Variants in SORCS3 observed in about 807,000 individuals in gnomAD.
SORCS3 encodes the protein VPS10 domain-containing receptor SorCS3.
SORCS3 carries 57 observed loss-of-function variants against 146.3 expected under a neutral mutation model. That is an observed-to-expected ratio of 0.39 (90% CI 0.31 to 0.49). The LOEUF is 0.49. Among genes scored for constraint, SORCS3 ranks in the 20% least tolerant of loss-of-function variants. The probability of loss-of-function intolerance (pLI) is 0.92; values close to 1 mark genes in which losing one functional copy is unlikely to be tolerated. For missense variants in SORCS3, 1,341 were observed against 1,575.5 expected (o/e 0.85, Z 2.52); for synonymous variants, 653 against 618.5 (o/e 1.06, Z -0.83).
intron 2 of SORCS3, among the ~76,000 whole-genome samples, chr10:104,864,717 A>G (rs776840332): frequency 3.3e-5 from 5 of 152,180 alleles, no homozygotes; most frequent in Non-Finnish European, 5.9e-5. Flanking sequence ...TACCAAGTTT[A>G]TATAGAGAGC....
rs760646492 is a variant in SORCS3, at chr10:105,247,289, G to A, written c.3063G>A (p.Trp1021Ter). ...ACCACAATCCTGACATTCCTGAGTG[G>A]AGAAAAGATATTGGCAATGTCATCA... ...LDYHNPDIPE[W>*]RKDIGNVIKR... Residue 1021 changes from tryptophan (W) to a stop codon, truncating the protein, a stop_gained, in exon 22 of 27, where the codon TGG (tryptophan) becomes TGA (stop). Transcript: ENST00000369701. LOFTEE classifies it high-confidence loss of function. 1 of 1,612,758 alleles carries A rather than the reference G, an allele frequency of 6.2e-7. No individual in the cohort carries two copies. The highest frequency in any genetic ancestry group is 1.7e-5 in the Admixed American group (1 of 59,978).
chr10:104,960,784 C>T (rs2054791280), intron 3 of SORCS3, among the ~76,000 whole-genome samples: 1 of 152,124 alleles, frequency 6.6e-6, no homozygotes, highest in Non-Finnish European at 1.5e-5. Context: ...AAGTTTGAGG[C>T]TTCCTATAGG....
At chr10:105,145,557 CA>C (rs2056124946) in intron 8 of SORCS3, among the ~76,000 whole-genome samples, 1 of 152,028 alleles carries the variant, frequency 6.6e-6, no homozygotes, top group South Asian at 2.1e-4. Context: ...TGGGAAAAAC[CA>C]GGCATTTCTG....
At chr10:105,222,480 T>C (rs2056709851) in intron 19 of SORCS3, among the ~76,000 whole-genome samples, 1 of 152,224 alleles carries the variant, frequency 6.6e-6, no homozygotes, top group African/African-American at 2.4e-5. Context: ...AATATCATGC[T>C]GCTTATATCA....
intron 1 of SORCS3, among the ~76,000 whole-genome samples, chr10:104,740,192 T>G (rs543900677): frequency 1.3e-5 from 2 of 152,364 alleles, no homozygotes; most frequent in South Asian, 4.1e-4. Context: ...TCAAAATTAA[T>G]TATTTATGAC....
At chr10:104,723,399 C>T (rs1431427300) in intron 1 of SORCS3, among the ~76,000 whole-genome samples, 2 of 152,124 alleles carry the variant, frequency 1.3e-5, no homozygotes, top group Non-Finnish European at 2.9e-5. Context: ...TTACTTCCCA[C>T]TATGTGGTCA....
At chr10:104,844,013 C>G (rs572592165) in intron 2 of SORCS3, among the ~76,000 whole-genome samples, 1 of 152,242 alleles carries the variant, frequency 6.6e-6, no homozygotes, top group East Asian at 1.9e-4. Context: ...TTCATCTGAC[C>G]TGTTTGTTTG....
In SORCS3 at chr10:105,032,149, G is replaced by A. The variant is rs182381279; in HGVS notation, c.955-10906G>A. On this transcript the variant is annotated intron_variant, in intron 4 of 26. Coordinates refer to ENST00000369701, the MANE Select transcript of SORCS3 (RefSeq NM_014978.3). Reference sequence around the variant, plus strand: ...AGAGGTTGCAGTGAGCCACGATTGCGCCACTGCACTCCAGCCTGGGCAACA... The same window carrying A: ...AGAGGTTGCAGTGAGCCACGATTGCACCACTGCACTCCAGCCTGGGCAACA... 3.1e-4 allele frequency among the ~76,000 whole-genome samples: 47 copies of A among 152,204 alleles called. No individual in the cohort carries two copies. The East Asian group carries it at 8.1e-3, about 26-fold the overall frequency.
intron 20 of SORCS3, among the ~76,000 whole-genome samples, chr10:105,236,203 A>C (rs1209421165): frequency 6.6e-6 from 1 of 152,096 alleles, no homozygotes; most frequent in Non-Finnish European, 1.5e-5. Context: ...TGAGAAGTTA[A>C]GCTCCCTGTC....
rs1049219004 is a variant in SORCS3, at chr10:105,214,552, C to A, written c.2486C>A (p.Thr829Asn). The A allele has an allele frequency of 1.9e-6, 3 of 1,611,330 alleles. No homozygotes were observed. The highest frequency in any genetic ancestry group is 8.5e-7 in the Non-Finnish European group (1 of 1,178,936). ...KAPRGLHVVT[T>N]DGRLVAEQGH... ...CCTCGGGGCCTCCATGTGGTGACGACCGATGGGCGGCTGGTGGCAGAGCAG... is the reference window on the plus strand; with the variant it reads ...CCTCGGGGCCTCCATGTGGTGACGAACGATGGGCGGCTGGTGGCAGAGCAG... The change falls in exon 18 of 27, where the codon ACC becomes AAC. Residue 829 changes from threonine to asparagine, a missense_variant. Thr to Asn is a moderately conservative substitution (Grantham distance 65). Transcript: ENST00000369701.
At chr10:105,066,897 C>T (rs2055526526) in intron 5 of SORCS3, among the ~76,000 whole-genome samples, 1 of 152,108 alleles carries the variant, frequency 6.6e-6, no homozygotes, top group African/African-American at 2.4e-5. Flanking sequence ...CGTAAATGTA[C>T]CAGCTTTCCT....
At chr10:105,087,487 G>GAAA (rs59554883) in intron 5 of SORCS3, among the ~76,000 whole-genome samples, 36,386 of 141,894 alleles carry the variant, frequency 0.26, 4,713 homozygotes, top group Admixed American at 0.35. Flanking sequence ...TCTCTTCTGG[G>GAAA]AAAAAAAAAA....
At chr10:104,761,182 T>C (rs4918125) in intron 1 of SORCS3, among the ~76,000 whole-genome samples, 43,574 of 152,058 alleles carry the variant, frequency 0.29, 6,530 homozygotes, top group East Asian at 0.6. Context: ...CAAGGAATTA[T>C]TATTTCTGTT....
intron 3 of SORCS3, among the ~76,000 whole-genome samples, chr10:104,973,951 G>A (rs1426961293): frequency 3.3e-5 from 5 of 152,008 alleles, no homozygotes; most frequent in South Asian, 2.1e-4. Flanking sequence ...ATTTCATTAC[G>A]TACCCAGTAG....
intron 6 of SORCS3, 112 bp from the exon 7 acceptor site, chr10:105,105,285 T>C (rs568624365): frequency 3.2e-5 from 20 of 631,168 alleles, no homozygotes; most frequent in Non-Finnish European, 1.7e-5. Context: ...AATCTCACTG[T>C]TATTTTAAAT....
chr10:104,999,869 C>T (rs1315569650), intron 4 of SORCS3, among the ~76,000 whole-genome samples: 1 of 152,140 alleles, frequency 6.6e-6, no homozygotes, highest in Non-Finnish European at 1.5e-5. Context: ...ATTATTTTAT[C>T]CCAGGGGTTT....
chr10:105,124,372 A>T (rs2055957574), intron 7 of SORCS3, among the ~76,000 whole-genome samples: 1 of 152,218 alleles, frequency 6.6e-6, no homozygotes, highest in Non-Finnish European at 1.5e-5. Context: ...AGAACCTAGA[A>T]CTGTCAGGAA....
At chr10:105,221,442 A>G (rs1233104931) in intron 19 of SORCS3, among the ~76,000 whole-genome samples, 2 of 152,220 alleles carry the variant, frequency 1.3e-5, no homozygotes. Flanking sequence ...CATTAATTGT[A>G]TGGTACTTTA....
At chr10:105,182,230 C>CTTTTTTTTTTTTTTTTTTTTTTTTTTTT (rs11340368) in intron 14 of SORCS3, among the ~76,000 whole-genome samples, 6 of 70,486 alleles carry the variant, frequency 8.5e-5, no homozygotes, top group African/African-American at 2.1e-4. Flanking sequence ...TATTCAGCAT[C>CTTTTTTTTTTTTTTTTTTTTTTTTTTTT]TTTTTTTTTT....
Sources: allele counts gnomAD v4.1 joint callset (sites outside exome capture counted in the v4.1 genomes callset), GRCh38; gene constraint gnomAD v4.1.1; transcripts MANE v1.5; gene names NCBI Gene and HGNC (gene_info 2026-07-23, HGNC 2026-07-21).